PKP4: variants seen among roughly 807,000 people sequenced by gnomAD.
PKP4 encodes the protein plakophilin-4.
A neutral mutation model predicts 145.1 loss-of-function variants in PKP4; 90 were observed. The ratio of observed to expected loss-of-function variants is 0.62; its 90% CI spans 0.52 to 0.74. The LOEUF is 0.74. PKP4 is among the 30% of genes least tolerant of loss of function. PKP4 has a pLI of 0.00. For synonymous variants in PKP4, 563 were observed against 577.2 expected, an observed-to-expected ratio of 0.98 and a Z score of 0.35; for missense variants, 1,340 against 1,482.7, an observed-to-expected ratio of 0.90 and a Z score of 1.58.
intron 1 of PKP4, among the ~76,000 whole-genome samples, chr2:158,478,516 C>G (rs1332941047): frequency 6.6e-6 from 1 of 152,224 alleles, no homozygotes; most frequent in African/African-American, 2.4e-5. Flanking sequence ...GCCCACCGCT[C>G]TCTGCCTTGG....
chr2:158,481,409 G>T (rs1693334869), intron 1 of PKP4, among the ~76,000 whole-genome samples: 2 of 152,264 alleles, frequency 1.3e-5, no homozygotes, highest in Middle Eastern at 3.4e-3. Context: ...ATATACCTAG[G>T]AGAGGAGTTG....
At chr2:158,624,508 T>C (rs1271057023) in intron 6 of PKP4, among the ~76,000 whole-genome samples, 1 of 152,238 alleles carries the variant, frequency 6.6e-6, no homozygotes, top group Non-Finnish European at 1.5e-5. Flanking sequence ...TACATTGTTC[T>C]GGTGCCCCTT....
At chr2:158,458,018 G>T (rs1188823917) in intron 1 of PKP4, 1 of 152,420 alleles carries the variant, frequency 6.6e-6, no homozygotes, top group Non-Finnish European at 1.5e-5. Flanking sequence ...TACCCGGAGA[G>T]CGAGCGGCGG....
At position 158,653,677 on chromosome 2, in the gene PKP4, A is replaced by T. The variant is rs139586548; in HGVS notation, c.1910-4454A>T. Among the ~76,000 whole-genome samples the T allele has an allele frequency of 4.8e-3, 737 of 152,340 alleles. 1 individual carries two copies. Among genetic ancestry groups the T allele is most frequent in the African/African-American group, 0.016 (673 of 41,578 alleles). ...TTAAATAAAACCTCAAGCTTCCTCA[A>T]CCAAATTCTAGTTTATTTTTAACTT... On this transcript the variant is annotated intron_variant, in intron 11 of 21. Transcript: ENST00000389759.
intron 1 of PKP4, among the ~76,000 whole-genome samples, chr2:158,460,813 CT>C (rs917868500): frequency 9.1e-4 from 138 of 152,268 alleles, no homozygotes; most frequent in African/African-American, 3.2e-3. Context: ...ATAGTTACTC[CT>C]TCAATGTGTG....
At chr2:158,666,656 A>T in intron 16 of PKP4, 93 bp downstream of exon 16, 1 of 1,043,264 alleles carries the variant, frequency 9.6e-7, no homozygotes, top group Non-Finnish European at 1.3e-6. Context: ...TGGCTTGTAA[A>T]ATCATTAACA....
At chr2:158,659,662 AGAG>A (rs1377931937) in intron 12 of PKP4, 1 of 152,282 alleles carries the variant, frequency 6.6e-6, no homozygotes, top group Non-Finnish European at 1.5e-5. Context: ...GTGACTCACT[AGAG>A]GGTGGTGTTG....
chr2:158,569,385 G>T (rs2047246553), intron 2 of PKP4, among the ~76,000 whole-genome samples: 1 of 152,130 alleles, frequency 6.6e-6, no homozygotes, highest in Non-Finnish European at 1.5e-5. Context: ...TTGATCGTGA[G>T]ATCTCAAGGT....
chr2:158,536,714 G>C lies in PKP4; in HGVS notation c.132+3398G>C, dbSNP rs574415505. On this transcript the variant is annotated intron_variant, in intron 2 of 21. Coordinates refer to ENST00000389759, the MANE Select transcript of PKP4 (RefSeq NM_003628.6). The stretch of plus-strand genomic sequence containing the variant: ...GAATTTACAATGTCTTTTATGAAGT[G>C]ATAACCTCTCACAGTGGTATCAGTC... Among the ~76,000 whole-genome samples, 3 of 152,280 alleles carry C rather than the reference G, an allele frequency of 2.0e-5. No homozygotes were observed. In the East Asian group the frequency reaches 5.8e-4, roughly 29 times the overall value.
intron 2 of PKP4, among the ~76,000 whole-genome samples, chr2:158,554,734 T>G (rs529636131): frequency 2.0e-4 from 31 of 152,294 alleles, no homozygotes; most frequent in Non-Finnish European, 4.4e-4. Context: ...CAGAAATGAT[T>G]CTTCATCAAA....
At chr2:158,661,188 G>A in intron 12 of PKP4, 145 bp from the exon 13 acceptor site, 2 of 580,980 alleles carry the variant, frequency 3.4e-6, no homozygotes, top group East Asian at 2.9e-5. Context: ...GCTTCAGGAT[G>A]TTACCATGCA....
chr2:158,645,652 C>G (rs1263078899), intron 11 of PKP4, among the ~76,000 whole-genome samples: 2 of 152,190 alleles, frequency 1.3e-5, no homozygotes, highest in African/African-American at 4.8e-5. Context: ...TTTAACTAGC[C>G]AGATTCATCA....
intron 1 of PKP4, among the ~76,000 whole-genome samples, chr2:158,460,790 A>G (rs1031965938): frequency 6.6e-6 from 1 of 152,192 alleles, no homozygotes; most frequent in African/African-American, 2.4e-5. Context: ...CACGCCTTCA[A>G]GTGTACAGGG....
intron 1 of PKP4, among the ~76,000 whole-genome samples, chr2:158,525,773 T>A (rs1021985000): frequency 1.4e-5 from 2 of 145,126 alleles, no homozygotes; most frequent in African/African-American, 5.1e-5. Context: ...GAGAATCAAA[T>A]AGACACAATA....
rs185370156 is a variant in PKP4, at chr2:158,631,263, T to G, written c.1154-490T>G. Among the ~76,000 whole-genome samples, 745 of 152,188 alleles carry G rather than the reference T, an allele frequency of 4.9e-3. 6 individuals are homozygous for G. The highest frequency in any genetic ancestry group is 0.017 in the African/African-American group (721 of 41,534). ...CAGAGAAAGTTGTATTTAAAATATA[T>G]ATATGCAGTACTTTTCACGTGTGGC... On this transcript the variant is annotated intron_variant, in intron 7 of 21. Transcript: ENST00000389759.
intron 2 of PKP4, among the ~76,000 whole-genome samples, chr2:158,560,337 C>T (rs78202859): frequency 3.3e-5 from 5 of 151,920 alleles, no homozygotes; most frequent in Admixed American, 1.3e-4. Flanking sequence ...ACTCATTTGT[C>T]ATGAGTGGTG....
At chr2:158,484,533 C>A (rs1386421987) in intron 1 of PKP4, among the ~76,000 whole-genome samples, 2 of 152,190 alleles carry the variant, frequency 1.3e-5, no homozygotes, top group Non-Finnish European at 2.9e-5. Context: ...GGAAGTATTT[C>A]TCCTTTGTTT....
At chr2:158,551,586 A>T (rs1014913743) in intron 2 of PKP4, among the ~76,000 whole-genome samples, 1 of 152,228 alleles carries the variant, frequency 6.6e-6, no homozygotes, top group Non-Finnish European at 1.5e-5. Context: ...GTATTTTCCT[A>T]AAGAGTAATT....
chr2:158,473,012 CT>C (rs2105408373), intron 1 of PKP4, among the ~76,000 whole-genome samples: 1 of 152,234 alleles, frequency 6.6e-6, no homozygotes, highest in African/African-American at 2.4e-5. Context: ...TGAACAGACA[CT>C]TTTCAAAAAA....
Sources: allele counts gnomAD v4.1 joint callset (sites outside exome capture counted in the v4.1 genomes callset), GRCh38; gene constraint gnomAD v4.1.1; transcripts MANE v1.5; gene names NCBI Gene and HGNC (gene_info 2026-07-23, HGNC 2026-07-21).